VOPP1: variants seen among roughly 807,000 people sequenced by gnomAD.
VOPP1 encodes the protein VOPP1 WW domain binding protein.
A neutral mutation model predicts 23.5 loss-of-function variants in VOPP1; 8 were observed. That is an observed-to-expected ratio of 0.34 (90% CI 0.20 to 0.61). The LOEUF (loss-of-function observed/expected upper bound fraction) is 0.61, where lower values mean the gene tolerates loss of function less well. VOPP1 is among the 20% of genes least tolerant of loss of function. The pLI, the probability that VOPP1 is intolerant of heterozygous loss-of-function variation, is 0.78. For missense variants in VOPP1, 174 were observed against 238.1 expected, an observed-to-expected ratio of 0.73 and a Z score of 1.77; for synonymous variants, 83 against 97.3, an observed-to-expected ratio of 0.85 and a Z score of 0.86.
intron 2 of VOPP1, among the ~76,000 whole-genome samples, chr7:55,516,661 T>C (rs1339584044): frequency 6.6e-6 from 1 of 152,074 alleles, no homozygotes; most frequent in East Asian, 1.9e-4. Flanking sequence ...TACAACAAGT[T>C]TGCAACCTAG....
intron 1 of VOPP1, chr7:55,538,738 C>T (rs1584073941): frequency 2.2e-6 from 3 of 1,354,382 alleles, no homozygotes; most frequent in East Asian, 5.0e-5. Context: ...ATGGCCATTC[C>T]TATAAAGGAA....
downstream of VOPP1, among the ~76,000 whole-genome samples, chr7:55,435,089 T>G (rs1790791975): frequency 6.6e-6 from 1 of 152,214 alleles, no homozygotes. Context: ...CGCCGCGACT[T>G]CTATGGCTCT....
At chr7:55,443,927 G>A (rs376030297) in intron 4 of VOPP1, among the ~76,000 whole-genome samples, 93 of 152,284 alleles carry the variant, frequency 6.1e-4, no homozygotes, top group African/African-American at 2.0e-3. Flanking sequence ...ACATGCATGA[G>A]CCACCATGCC....
At chr7:55,532,925 C>T (rs1047446467) in intron 1 of VOPP1, among the ~76,000 whole-genome samples, 2 of 152,182 alleles carry the variant, frequency 1.3e-5, no homozygotes, top group Non-Finnish European at 2.9e-5. Flanking sequence ...TATTTCTTGT[C>T]ATGAATTGAT....
chr7:55,559,627 G>C (rs1797918227), intron 1 of VOPP1, among the ~76,000 whole-genome samples: 1 of 152,194 alleles, frequency 6.6e-6, no homozygotes, highest in African/African-American at 2.4e-5. Flanking sequence ...ATGCAATTCA[G>C]AAAGTCAGAG....
At chr7:55,538,149 G>A (rs1751143838) in intron 1 of VOPP1, among the ~76,000 whole-genome samples, 2 of 152,212 alleles carry the variant, frequency 1.3e-5, no homozygotes, top group African/African-American at 4.8e-5. Context: ...CCCCTCTAGA[G>A]ACCGCTCTCA....
At chr7:55,557,166 T>C (rs1313969599) in intron 1 of VOPP1, among the ~76,000 whole-genome samples, 1 of 152,206 alleles carries the variant, frequency 6.6e-6, no homozygotes. Context: ...TTCATTATTT[T>C]AGGTTGGCAA....
chr7:55,498,763 G>A (rs1273802965), intron 2 of VOPP1, among the ~76,000 whole-genome samples: 1 of 151,848 alleles, frequency 6.6e-6, no homozygotes, highest in Non-Finnish European at 1.5e-5. Flanking sequence ...AGTACAAATA[G>A]GCTTGTTTTA....
At chr7:55,544,502 A>G (rs1584090722) in intron 1 of VOPP1, among the ~76,000 whole-genome samples, 1 of 152,220 alleles carries the variant, frequency 6.6e-6, no homozygotes, top group Non-Finnish European at 1.5e-5. Context: ...TTGCGAGAAA[A>G]GATAGTGTTT....
intron 3 of VOPP1, among the ~76,000 whole-genome samples, chr7:55,494,381 C>T (rs191566136): frequency 5.8e-4 from 89 of 152,230 alleles, no homozygotes; most frequent in African/African-American, 2.0e-3. Context: ...AGACCAGGCT[C>T]GCTGGATTGA....
At chr7:55,442,036 A>C (rs1005976368) in intron 4 of VOPP1, among the ~76,000 whole-genome samples, 2 of 152,208 alleles carry the variant, frequency 1.3e-5, no homozygotes, top group Non-Finnish European at 2.9e-5. Context: ...TTTCTAATGT[A>C]TAATAATAAT....
At chr7:55,566,643 T>A (rs1428157576) in intron 1 of VOPP1, among the ~76,000 whole-genome samples, 1 of 152,232 alleles carries the variant, frequency 6.6e-6, no homozygotes, top group Non-Finnish European at 1.5e-5. Flanking sequence ...TTGATATTTG[T>A]TTTTCCAAAA....
intron 2 of VOPP1, among the ~76,000 whole-genome samples, chr7:55,503,882 A>G (rs1445765108): frequency 6.6e-6 from 1 of 152,268 alleles, no homozygotes; most frequent in East Asian, 1.9e-4. Flanking sequence ...TAAGCCCCAC[A>G]GCCTCTGGTA....
intron 4 of VOPP1, among the ~76,000 whole-genome samples, chr7:55,477,908 G>A (rs1292432397): frequency 1.3e-5 from 2 of 152,172 alleles, no homozygotes; most frequent in Admixed American, 6.5e-5. Flanking sequence ...GAGGGACCCC[G>A]GCCAGGTGGA....
intron 1 of VOPP1, among the ~76,000 whole-genome samples, chr7:55,544,977 T>C (rs1797303766): frequency 1.3e-5 from 2 of 152,134 alleles, no homozygotes; most frequent in Admixed American, 6.5e-5. Flanking sequence ...ACTGAGAGGA[T>C]AGAGGAAGAG....
chr7:55,488,678 GC>G (rs892285372), intron 4 of VOPP1, among the ~76,000 whole-genome samples: 1 of 151,700 alleles, frequency 6.6e-6, no homozygotes, highest in South Asian at 2.1e-4. Context: ...ATGAGCCACT[GC>G]CCCCCCTGCC....
intron 1 of VOPP1, among the ~76,000 whole-genome samples, chr7:55,546,928 A>G (rs1338590479): frequency 6.6e-6 from 1 of 152,262 alleles, no homozygotes; most frequent in African/African-American, 2.4e-5. Context: ...CCTTGTCCCC[A>G]GTGCCCCTGA....
chr7:55,474,714 G>A (rs950592712), intron 4 of VOPP1, among the ~76,000 whole-genome samples: 3 of 152,250 alleles, frequency 2.0e-5, no homozygotes, highest in Non-Finnish European at 4.4e-5. Flanking sequence ...TGGAGAGGGC[G>A]GAGGCAGCTC....
At chr7:55,455,133 CA>C in intron 4 of VOPP1, among the ~76,000 whole-genome samples, 1 of 152,262 alleles carries the variant, frequency 6.6e-6, no homozygotes, top group South Asian at 2.1e-4. Flanking sequence ...AATCAACACG[CA>C]AAAATCACAA....
Sources: gnomAD v4.1 joint callset for allele counts (sites outside exome capture counted in the v4.1 genomes callset) on GRCh38, gnomAD v4.1.1 for gene constraint, MANE v1.5 for transcripts, NCBI Gene and HGNC (gene_info 2026-07-23, HGNC 2026-07-21) for gene names.